PPIG: variants seen among roughly 807,000 people sequenced by gnomAD.
PPIG encodes the protein peptidyl-prolyl cis-trans isomerase G.
A neutral mutation model predicts 87.9 loss-of-function variants in PPIG; 26 were observed. The ratio of observed to expected loss-of-function variants is 0.30; its 90% CI spans 0.22 to 0.41. PPIG has a LOEUF of 0.41. Ranked by LOEUF, PPIG falls within the 10% of genes least tolerant of loss-of-function variation. The pLI, the probability that PPIG is intolerant of heterozygous loss-of-function variation, is 1.00. For synonymous variants in PPIG, 308 were observed against 276.5 expected (o/e 1.11, Z -1.13); for missense variants, 722 against 879.4 (o/e 0.82, Z 2.26).
intron 9 of PPIG, among the ~76,000 whole-genome samples, chr2:169,619,855 A>G (rs1201346213): frequency 6.6e-6 from 1 of 151,992 alleles, no homozygotes; most frequent in Non-Finnish European, 1.5e-5. Flanking sequence ...TTTTTGCCAT[A>G]TACCTGTTGG....
chr2:169,596,813 C>T (rs777871409), intron 1 of PPIG, among the ~76,000 whole-genome samples: 2 of 152,208 alleles, frequency 1.3e-5, no homozygotes, highest in Non-Finnish European at 2.9e-5. Flanking sequence ...GATTCTCCTG[C>T]CTCAGCCTCC....
At chr2:169,621,999 A>C (rs74171286) in intron 9 of PPIG, among the ~76,000 whole-genome samples, 21,724 of 151,796 alleles carry the variant, frequency 0.14, 1,643 homozygotes, top group Non-Finnish European at 0.18. Context: ...AGGCAGGAGG[A>C]TCACTTGAGC....
At chr2:169,616,175 A>C (rs1206087063) in intron 9 of PPIG, among the ~76,000 whole-genome samples, 1 of 152,216 alleles carries the variant, frequency 6.6e-6, no homozygotes, top group Non-Finnish European at 1.5e-5. Context: ...AAAGGACATG[A>C]ACTCATCCTT....
chr2:169,588,626 T>C (rs1019944406), intron 1 of PPIG, among the ~76,000 whole-genome samples: 12 of 152,160 alleles, frequency 7.9e-5, no homozygotes, highest in African/African-American at 2.7e-4. Flanking sequence ...GGTAAATCTT[T>C]TTTCTTTTTT....
chr2:169,603,662 C>T lies in PPIG; in HGVS notation c.-49C>T, dbSNP rs562830056. The T allele has an allele frequency of 7.7e-5, 13 of 169,310 alleles. No homozygotes were observed. The East Asian group carries it at 1.1e-3, about 15-fold the overall frequency. 10.5% of individuals were successfully genotyped at this position (169,310 alleles called of 1,614,324 possible). ...TCTAGGAGCACAGGGATCAGTTGTC[C>T]TTGTTTTTTTTTGGTCTTTTCTTCA... On this transcript the variant is annotated 5_prime_UTR_variant, in exon 2 of 14. Coordinates refer to ENST00000260970, the MANE Select transcript of PPIG (RefSeq NM_004792.3).
intron 9 of PPIG, among the ~76,000 whole-genome samples, chr2:169,617,659 G>A (rs1211317191): frequency 6.6e-6 from 1 of 152,082 alleles, no homozygotes; most frequent in Non-Finnish European, 1.5e-5. Context: ...CTCTCTGTCT[G>A]TTATTGGTGT....
Position 169,636,735 on chromosome 2 carries a change from G to T in PPIG, c.1477G>T (p.Asp493Tyr). Residue 493 changes from aspartate to tyrosine, a missense_variant, in exon 14 of 14, where the codon GAT becomes TAT. Asp to Tyr is a radical substitution (Grantham distance 160). Coordinates refer to ENST00000260970, the MANE Select transcript of PPIG (RefSeq NM_004792.3). ...GATGAGGTCAAGGAGTAAAGGAAGGGATCATGAAAATGTTAAAGAAAAAGA... is the reference window on the plus strand; with the variant it reads ...GATGAGGTCAAGGAGTAAAGGAAGGTATCATGAAAATGTTAAAGAAAAAGA... ...KRMRSRSKGR[D>Y]HENVKEKEKQ... 4 of 1,612,282 alleles carry T rather than the reference G, an allele frequency of 2.5e-6. No individual in the cohort carries two copies. Among genetic ancestry groups the T allele is most frequent in the South Asian group, 1.1e-5 (1 of 90,696 alleles).
At chr2:169,624,551 C>T (rs1451600091) in intron 9 of PPIG, among the ~76,000 whole-genome samples, 2 of 152,102 alleles carry the variant, frequency 1.3e-5, no homozygotes, top group Non-Finnish European at 2.9e-5. Context: ...AAAAGAAACG[C>T]TGAAATCAAT....
At chr2:169,603,102 TTAGA>T (rs1344699239) in intron 1 of PPIG, among the ~76,000 whole-genome samples, 4 of 152,196 alleles carry the variant, frequency 2.6e-5, no homozygotes, top group Admixed American at 6.6e-5. Context: ...GAGTTTTGTC[TTAGA>T]TATATTAATT....
chr2:169,626,343 T>A (rs1189864643), intron 9 of PPIG, among the ~76,000 whole-genome samples: 1 of 152,132 alleles, frequency 6.6e-6, no homozygotes, highest in South Asian at 2.1e-4. Flanking sequence ...AGCAGACTTA[T>A]ACAAAAAGGA....
At chr2:169,586,574 T>G (rs1684711322) in intron 1 of PPIG, among the ~76,000 whole-genome samples, 1 of 152,212 alleles carries the variant, frequency 6.6e-6, no homozygotes, top group South Asian at 2.1e-4. Flanking sequence ...ATTATTGTGG[T>G]CTTGCAGTAT....
At position 169,606,061 on chromosome 2, in the gene PPIG, A is replaced by G. The variant is rs1342783756; in HGVS notation, c.159A>G (p.Ser53=). Residue 53 remains serine (S), a synonymous_variant, in exon 5 of 14, where the codon TCA becomes TCG. Transcript: ENST00000260970. ...LCTGEKGTGK[S]TQKPLHYKSC... ...TAGGTGAAAAGGGGACCGGGAAATC[A>G]ACTCAGAAACCATTACATTATAAGA... 2 of 1,612,648 alleles carry G rather than the reference A, an allele frequency of 1.2e-6. No individual in the cohort carries two copies. The highest frequency in any genetic ancestry group is 1.7e-5 in the Admixed American group (1 of 59,996).
intron 4 of PPIG, among the ~76,000 whole-genome samples, chr2:169,605,638 C>CT (rs150191134): frequency 0.55 from 82,897 of 149,778 alleles, 23,039 homozygotes; most frequent in Admixed American, 0.66. Context: ...TCAGTCTCTA[C>CT]GAAAAAAAAA....
Position 169,594,183 on chromosome 2 carries a change from A to G in PPIG, c.-69-9459A>G, listed in dbSNP as rs564932229. Among the ~76,000 whole-genome samples, 4 of 152,278 alleles carry G rather than the reference A, an allele frequency of 2.6e-5. No individual in the cohort carries two copies. In the East Asian group the frequency reaches 7.7e-4, roughly 29 times the overall value. On this transcript the variant is annotated intron_variant, in intron 1 of 13. Coordinates refer to ENST00000260970, the MANE Select transcript of PPIG (RefSeq NM_004792.3). ...TCCAACAGTTGAATTTTACTGGTTC[A>G]AAGTATAAACACTTATGAATTTCTC... is the stretch of plus-strand genomic sequence containing the variant.
intron 7 of PPIG, among the ~76,000 whole-genome samples, chr2:169,611,241 AAAAAG>A (rs1301599968): frequency 1.8e-4 from 27 of 152,184 alleles, no homozygotes; most frequent in Admixed American, 1.8e-3. Flanking sequence ...GTAAAAAAAG[AAAAAG>A]AAAAAAAGAA....
At chr2:169,599,676 T>C (rs1195184587) in intron 1 of PPIG, among the ~76,000 whole-genome samples, 3 of 152,138 alleles carry the variant, frequency 2.0e-5, no homozygotes. Flanking sequence ...CATACACCCT[T>C]AGGTGTCCTT....
intron 7 of PPIG, among the ~76,000 whole-genome samples, chr2:169,610,006 A>G (rs914864857): frequency 6.6e-6 from 1 of 152,256 alleles, no homozygotes; most frequent in Non-Finnish European, 1.5e-5. Flanking sequence ...TCCAATTCCA[A>G]CTACAAAAAA....
At chr2:169,601,025 T>A (rs1685166699) in intron 1 of PPIG, among the ~76,000 whole-genome samples, 1 of 152,230 alleles carries the variant, frequency 6.6e-6, no homozygotes, top group Non-Finnish European at 1.5e-5. Flanking sequence ...GTATATATAG[T>A]ATTTTCAAGA....
At chr2:169,605,422 G>A (rs1685296541) in intron 4 of PPIG, among the ~76,000 whole-genome samples, 1 of 152,014 alleles carries the variant, frequency 6.6e-6, no homozygotes, top group Non-Finnish European at 1.5e-5. Flanking sequence ...AGATTCGCTT[G>A]AGCCCAGGAG....
Sources: gnomAD v4.1 joint callset for allele counts (sites outside exome capture counted in the v4.1 genomes callset) on GRCh38, gnomAD v4.1.1 for gene constraint, MANE v1.5 for transcripts, NCBI Gene and HGNC (gene_info 2026-07-23, HGNC 2026-07-21) for gene names.